Variants in PCDH11X observed in about 807,000 individuals in gnomAD.
The protein encoded by PCDH11X is protocadherin-11 X-linked.
Under a neutral mutation model 53.3 loss-of-function variants are expected in PCDH11X, and 18 were observed. The observed-to-expected ratio is 0.34, with a 90% CI of 0.23 to 0.50. The LOEUF (loss-of-function observed/expected upper bound fraction) is 0.50, where lower values mean the gene tolerates loss of function less well. Ranked by LOEUF, PCDH11X falls within the 20% of genes least tolerant of loss-of-function variation. PCDH11X has a pLI of 0.98. For synonymous variants in PCDH11X, 279 were observed against 393.3 expected (o/e 0.71, Z 3.44); for missense variants, 570 against 1,032.4 (o/e 0.55, Z 6.14).
intron 6 of PCDH11X, among the ~76,000 whole-genome samples, chrX:91,914,225 A>T (rs1249442626): frequency 9.1e-6 from 1 of 110,489 alleles, no homozygotes; most frequent in Non-Finnish European, 1.9e-5. Context: ...TCAAGGAATC[A>T]CCCTCTAGGA....
chrX:91,974,496 C>A (rs1398818818), intron 6 of PCDH11X, among the ~76,000 whole-genome samples: 1 of 111,306 alleles, frequency 9.0e-6, no homozygotes, highest in African/African-American at 3.3e-5. Context: ...GAATAATCTT[C>A]CTGCAGAGGG....
intron 7 of PCDH11X, among the ~76,000 whole-genome samples, chrX:92,261,610 A>G (rs1347027527): frequency 9.1e-6 from 1 of 109,840 alleles, no homozygotes; most frequent in Non-Finnish European, 1.9e-5. Flanking sequence ...ATCTATTGTG[A>G]TTGTGAAAGT....
intron 9 of PCDH11X, among the ~76,000 whole-genome samples, chrX:92,406,281 A>C (rs1448900811): frequency 9.2e-6 from 1 of 108,859 alleles, no homozygotes; most frequent in Non-Finnish European, 1.9e-5. Context: ...TCTACATTAA[A>C]AAGAATAGAT....
chrX:92,076,338 C>T (rs1455336959), intron 6 of PCDH11X, among the ~76,000 whole-genome samples: 1 of 99,887 alleles, frequency 1.0e-5, no homozygotes, highest in Non-Finnish European at 1.9e-5. Flanking sequence ...TTGTTATGAT[C>T]AAGTGAAGAT....
intron 8 of PCDH11X, among the ~76,000 whole-genome samples, chrX:92,272,098 G>C (rs1267568546): frequency 9.0e-6 from 1 of 111,464 alleles, no homozygotes; most frequent in African/African-American, 3.3e-5. Context: ...TATAAATGGA[G>C]TCCTCAGTAG....
chrX:92,228,750 G>T (rs1347286913), intron 7 of PCDH11X, among the ~76,000 whole-genome samples: 1 of 111,233 alleles, frequency 9.0e-6, no homozygotes. Flanking sequence ...ATTATTACTT[G>T]AAAAAAAATT....
intron 10 of PCDH11X, among the ~76,000 whole-genome samples, chrX:92,489,323 G>A (rs375421654): frequency 0.02 from 2,238 of 110,036 alleles, 66 homozygotes; most frequent in African/African-American, 0.071. Flanking sequence ...GGTGAAAGGC[G>A]CCCACTATGA....
At chrX:91,910,478 A>G (rs1389165801) in intron 6 of PCDH11X, among the ~76,000 whole-genome samples, 1 of 111,930 alleles carries the variant, frequency 8.9e-6, no homozygotes, top group Non-Finnish European at 1.9e-5. Flanking sequence ...TTCTTCATAC[A>G]AATATTCACA....
At chrX:92,306,986 A>G (rs1397969976) in intron 8 of PCDH11X, among the ~76,000 whole-genome samples, 1 of 108,882 alleles carries the variant, frequency 9.2e-6, no homozygotes, top group Non-Finnish European at 1.9e-5. Context: ...AACTCTTAAC[A>G]AAGAAAAGCT....
intron 10 of PCDH11X, among the ~76,000 whole-genome samples, chrX:92,569,989 C>T (rs1490194497): frequency 1.1e-5 from 1 of 87,049 alleles, no homozygotes; most frequent in African/African-American, 4.4e-5. Flanking sequence ...GTACTCCAGC[C>T]TGGGTGACAG....
Position 92,263,152 on chromosome X carries a change from G to A in PCDH11X, c.3144+9G>A. On this transcript the variant is annotated intron_variant, in intron 8 of 10. Coordinates refer to ENST00000682573, the MANE Select transcript of PCDH11X (RefSeq NM_032968.5). The stretch of plus-strand genomic sequence containing the variant: ...GGAAAGTGGCAGGAAAGGTAAGACT[G>A]CAAATTTCAAAGAAAATTGATTTTG... 8.5e-7 allele frequency: 1 copy of A among 1,170,716 alleles called. No homozygotes were observed. Among genetic ancestry groups the A allele is most frequent in the Non-Finnish European group, 1.2e-6 (1 of 868,771 alleles).
chrX:92,069,884 G>A (rs1043295394), intron 6 of PCDH11X, among the ~76,000 whole-genome samples: 1 of 110,444 alleles, frequency 9.1e-6, no homozygotes, highest in South Asian at 3.9e-4. Context: ...GTTTTGTCAC[G>A]TTGGCCAGGC....
intron 6 of PCDH11X, among the ~76,000 whole-genome samples, chrX:92,134,586 T>C (rs952743082): frequency 9.0e-6 from 1 of 110,574 alleles, no homozygotes; most frequent in Non-Finnish European, 1.9e-5. Flanking sequence ...AAGAAAAAAT[T>C]TGGGGTGAGT....
chrX:92,124,378 T>C (rs2064824465), intron 6 of PCDH11X, among the ~76,000 whole-genome samples: 2 of 109,259 alleles, frequency 1.8e-5, no homozygotes, highest in Non-Finnish European at 3.8e-5. Context: ...AAACCCTGTC[T>C]CTACTAAAAA....
intron 7 of PCDH11X, among the ~76,000 whole-genome samples, chrX:92,240,523 T>G (rs1302857342): frequency 9.0e-6 from 1 of 111,541 alleles, no homozygotes; most frequent in East Asian, 2.8e-4. Flanking sequence ...TAGGTTCTAC[T>G]CACAAAGTAC....
intron 10 of PCDH11X, among the ~76,000 whole-genome samples, chrX:92,520,771 A>G (rs2074358371): frequency 1.8e-5 from 2 of 111,321 alleles, no homozygotes; most frequent in Non-Finnish European, 3.8e-5. Context: ...CACTGCTGCC[A>G]CTTTATCAAC....
At chrX:92,394,171 A>G (rs1049895161) in intron 9 of PCDH11X, among the ~76,000 whole-genome samples, 12 of 111,540 alleles carry the variant, frequency 1.1e-4, no homozygotes, top group Admixed American at 9.6e-5. Flanking sequence ...GAGGTCATGA[A>G]TTAAAATGAG....
intron 9 of PCDH11X, among the ~76,000 whole-genome samples, chrX:92,419,275 C>CTTTTTTTTTTTTTTTTCTT (rs200748988): frequency 2.2e-5 from 2 of 88,934 alleles, no homozygotes; most frequent in African/African-American, 8.3e-5. Flanking sequence ...TTTTTTTGTT[C>CTTTTTTTTTTTTTTTTCTT]TTTTTTTTTT....
intron 1 of PCDH11X, among the ~76,000 whole-genome samples, chrX:91,782,845 G>T (rs1414929721): frequency 9.0e-6 from 1 of 111,570 alleles, no homozygotes; most frequent in East Asian, 2.9e-4. Flanking sequence ...CCCCTGCTTT[G>T]CCAAATTTGA....
Sources: allele counts gnomAD v4.1 joint callset (sites outside exome capture counted in the v4.1 genomes callset), GRCh38; gene constraint gnomAD v4.1.1; transcripts MANE v1.5; gene names NCBI Gene and HGNC (gene_info 2026-07-23, HGNC 2026-07-21).